The following UBE2N variants were observed in gnomAD, a reference collection of about 807,000 sequenced individuals.
UBE2N encodes ubiquitin conjugating enzyme E2 N, also known as ubiquitin-conjugating enzyme E2 N.
For missense variants in UBE2N, 60 were observed against 192.1 expected (o/e 0.31, Z 4.07); for synonymous variants, 70 against 69.2 (o/e 1.01, Z -0.06).
In UBE2N at chr12:93,430,798, T is replaced by C. The variant is rs1878739185; in HGVS notation, c.30+11057A>G. On this transcript the variant is annotated intron_variant, in intron 1 of 3. Coordinates refer to ENST00000318066, the MANE Select transcript of UBE2N (RefSeq NM_003348.4). ...TATATTTTATATTGTACATAATATA[T>C]ATTTTATATATATATAAAAAATTTT... Among the ~76,000 whole-genome samples, 6 of 147,868 alleles carry C rather than the reference T, an allele frequency of 4.1e-5. No homozygotes were observed. The South Asian group carries it at 1.3e-3, about 31-fold the overall frequency.
chr12:93,441,763 C>A, intron 1 of UBE2N, 92 bp downstream of exon 1: 2 of 1,524,866 alleles, frequency 1.3e-6, no homozygotes, highest in Non-Finnish European at 1.8e-6. Flanking sequence ...CCAGAGCGGG[C>A]CGCGGGCCGA....
intron 1 of UBE2N, among the ~76,000 whole-genome samples, chr12:93,439,025 C>G (rs1394521592): frequency 6.6e-6 from 1 of 152,180 alleles, no homozygotes; most frequent in African/African-American, 2.4e-5. Context: ...ACAAAAATGT[C>G]TGTAAGAATC....
chr12:93,435,537 A>T (rs1878909162), intron 1 of UBE2N, among the ~76,000 whole-genome samples: 1 of 152,134 alleles, frequency 6.6e-6, no homozygotes, highest in Admixed American at 6.6e-5. Context: ...GAGGCAGGAG[A>T]ACTGCTTGAA....
chr12:93,417,496 A>G (rs7311222), intron 1 of UBE2N, among the ~76,000 whole-genome samples: 80,779 of 152,054 alleles, frequency 0.53, 22,229 homozygotes, highest in African/African-American at 0.69. Flanking sequence ...TTCTTAGAAA[A>G]AGTGCTAATT....
At chr12:93,422,878 TATA>T (rs1878460317) in intron 1 of UBE2N, among the ~76,000 whole-genome samples, 1 of 152,322 alleles carries the variant, frequency 6.6e-6, no homozygotes, top group Non-Finnish European at 1.5e-5. Flanking sequence ...CACTCTTTAG[TATA>T]ATGTTGGAGC....
chr12:93,415,009 A>G (rs1462566382), intron 1 of UBE2N, among the ~76,000 whole-genome samples: 1 of 152,248 alleles, frequency 6.6e-6, no homozygotes, highest in Non-Finnish European at 1.5e-5. Context: ...TCAGAATTTC[A>G]TCGTTAACAT....
intron 1 of UBE2N, among the ~76,000 whole-genome samples, chr12:93,413,507 G>A (rs145054309): frequency 5.3e-5 from 8 of 152,042 alleles, no homozygotes; most frequent in African/African-American, 1.9e-4. Flanking sequence ...ATAACTACCT[G>A]CTTGATATAC....
intron 1 of UBE2N, among the ~76,000 whole-genome samples, chr12:93,429,723 C>G (rs993852898): frequency 6.6e-6 from 1 of 151,976 alleles, no homozygotes; most frequent in Non-Finnish European, 1.5e-5. Context: ...AGTGATACTG[C>G]TGATCCTGAA....
At chr12:93,418,815 C>T (rs1878303401) in intron 1 of UBE2N, among the ~76,000 whole-genome samples, 1 of 152,036 alleles carries the variant, frequency 6.6e-6, no homozygotes, top group Non-Finnish European at 1.5e-5. Context: ...AACATGAAAT[C>T]AGTATGAAAT....
Position 93,441,907 on chromosome 12 carries a change from C to T in UBE2N, c.-23G>A. ...CATCTTGTCAGAACCCGAGTTCGGCCTCTGGTCTCGTCTCCGGCTCCTCTC... is the reference window on the plus strand; with the variant it reads ...CATCTTGTCAGAACCCGAGTTCGGCTTCTGGTCTCGTCTCCGGCTCCTCTC... On this transcript the variant is annotated 5_prime_UTR_variant, in exon 1 of 4. Coordinates refer to ENST00000318066, the MANE Select transcript of UBE2N (RefSeq NM_003348.4). 6.4e-7 allele frequency: 1 copy of T among 1,572,098 alleles called. No homozygotes were observed. Among genetic ancestry groups the T allele is most frequent in the Non-Finnish European group, 8.6e-7 (1 of 1,161,758 alleles).
chr12:93,416,226 T>C (rs1878203292), intron 1 of UBE2N, among the ~76,000 whole-genome samples: 1 of 152,150 alleles, frequency 6.6e-6, no homozygotes, highest in Non-Finnish European at 1.5e-5. Flanking sequence ...AAGTCTGAAA[T>C]GGCAGCATCT....
rs1877961024 is a variant in UBE2N, at chr12:93,409,276, C to A, written c.*763G>T. The A allele has an allele frequency of 6.5e-6, 1 of 153,210 alleles. No individual in the cohort carries two copies. The highest frequency in any genetic ancestry group is 2.1e-4 in the South Asian group (1 of 4,826). The allele number at this position is 153,210 out of a possible 1,614,324, so 9.5% of individuals were successfully genotyped here. A position where few individuals can be genotyped will look rare whatever the true frequency, so the allele number is the denominator to read the frequency against. ...TGGTGAAGACCAAGAAAGAATGTTC[C>A]ATCAGTTTCAATTTTAAAATACGAT... On this transcript the variant is annotated 3_prime_UTR_variant, in exon 4 of 4. Transcript: ENST00000318066.
chr12:93,406,275 C>CAAAAAAAAAAAAAAAAAAAAAAAAAAAAA lies in UBE2N; in HGVS notation c.*3735_*3763dup, dbSNP rs58309798. 6 of 38,000 alleles carry CAAAAAAAAAAAAAAAAAAAAAAAAAAAAA rather than the reference C, an allele frequency of 1.6e-4. 1 individual carries two copies. Among genetic ancestry groups the CAAAAAAAAAAAAAAAAAAAAAAAAAAAAA allele is most frequent in the African/African-American group, 2.5e-4 (3 of 12,020 alleles). 2.4% of individuals were successfully genotyped at this position (38,000 alleles called of 1,614,324 possible). ...AGAGCTAGAAAGTGGCTAGAGCAGC[C>CAAAAAAAAAAAAAAAAAAAAAAAAAAAAA]AAAAAAAAAAAAAAAAAAAAAAAAA... On this transcript the variant is annotated 3_prime_UTR_variant, in exon 4 of 4. Coordinates refer to ENST00000318066, the MANE Select transcript of UBE2N (RefSeq NM_003348.4).
Sources: gnomAD v4.1 joint callset for allele counts (sites outside exome capture counted in the v4.1 genomes callset) on GRCh38, gnomAD v4.1.1 for gene constraint, MANE v1.5 for transcripts, NCBI Gene and HGNC (gene_info 2026-07-23, HGNC 2026-07-21) for gene names.